NF1: variants seen among roughly 807,000 people sequenced by gnomAD.
NF1 encodes the protein neurofibromin 1.
NF1 carries 122 observed loss-of-function variants against 325.7 expected under a neutral mutation model. The observed-to-expected ratio is 0.37, with a 90% confidence interval of 0.32 to 0.44. The LOEUF (loss-of-function observed/expected upper bound fraction) is 0.44. NF1 is among the 20% of genes least tolerant of loss of function. The probability of loss-of-function intolerance (pLI) is 1.00; values close to 1 mark genes in which losing one functional copy is unlikely to be tolerated. For missense variants in NF1, 2,140 were observed against 3,415.4 expected (o/e 0.63, Z 9.31); for synonymous variants, 1,091 against 1,186.0 (o/e 0.92, Z 1.65).
Position 31,305,592 on chromosome 17 carries a change from G to C in NF1, c.4836-20228G>C, listed in dbSNP as rs1252985370. 1.2e-6 allele frequency: 2 copies of C among 1,612,408 alleles called. No homozygotes were observed. The highest frequency in any genetic ancestry group is 3.3e-5 in the Admixed American group (2 of 59,738). On this transcript the variant is annotated intron_variant, in intron 36 of 57. Coordinates refer to ENST00000358273, the MANE Select transcript of NF1 (RefSeq NM_001042492.3). ...GGTGTCCACAAAACAAAATTAAGATGAAATATTTGGGATCCATTTCAGAAT... is the reference window on the plus strand; with the variant it reads ...GGTGTCCACAAAACAAAATTAAGATCAAATATTTGGGATCCATTTCAGAAT...
At chr17:31,252,573 G>T (rs1197349918) in intron 30 of NF1, 8 of 243,770 alleles carry the variant, frequency 3.3e-5, no homozygotes, top group Non-Finnish European at 3.2e-5. Flanking sequence ...AATGTTTTTA[G>T]TGTGTGATCT....
intron 1 of NF1, among the ~76,000 whole-genome samples, chr17:31,151,730 G>T (rs948953503): frequency 6.6e-6 from 1 of 152,124 alleles, no homozygotes; most frequent in African/African-American, 2.4e-5. Flanking sequence ...AGGGAATAAT[G>T]ACGAAAAGTC....
At chr17:31,195,053 T>G (rs1268317169) in intron 8 of NF1, among the ~76,000 whole-genome samples, 1 of 152,162 alleles carries the variant, frequency 6.6e-6, no homozygotes, top group African/African-American at 2.4e-5. Context: ...ATAGAAATTA[T>G]CTGATTAGAT....
At chr17:31,181,242 AT>A (rs1205519688) in intron 5 of NF1, among the ~76,000 whole-genome samples, 179 bp from the exon 6 acceptor site, 2 of 152,126 alleles carry the variant, frequency 1.3e-5, no homozygotes, top group East Asian at 3.8e-4. Flanking sequence ...TGTTTATGGA[AT>A]TTTTCTTTCC....
chr17:31,153,300 G>A (rs139947344), intron 1 of NF1, among the ~76,000 whole-genome samples: 24 of 152,332 alleles, frequency 1.6e-4, no homozygotes, highest in African/African-American at 5.8e-4. Context: ...GTTACAAGTG[G>A]TTAATAGCTA....
At chr17:31,096,257 G>C (rs1335650182) in intron 1 of NF1, among the ~76,000 whole-genome samples, 1 of 151,598 alleles carries the variant, frequency 6.6e-6, no homozygotes, top group Non-Finnish European at 1.5e-5. Context: ...ACCGACAACA[G>C]AGCAAAGCCA....
chr17:31,124,592 A>ATTTTTTTT (rs35335433), intron 1 of NF1, among the ~76,000 whole-genome samples: 12 of 62,938 alleles, frequency 1.9e-4, no homozygotes, highest in Non-Finnish European at 2.3e-4. Flanking sequence ...GTATTCTTGA[A>ATTTTTTTT]TTTTTTTTTT....
intron 36 of NF1, among the ~76,000 whole-genome samples, chr17:31,290,217 TG>T (rs1359648401): frequency 1.6e-4 from 24 of 152,168 alleles, no homozygotes; most frequent in South Asian, 4.1e-4. Flanking sequence ...TCTTTGTGAT[TG>T]TTTTTTTTTC....
chr17:31,313,047 TAGTA>T (rs1318931856), intron 36 of NF1, among the ~76,000 whole-genome samples: 4 of 152,186 alleles, frequency 2.6e-5, no homozygotes, highest in Admixed American at 6.5e-5. Flanking sequence ...ATTTTTGGCT[TAGTA>T]AGCTTTTAAA....
intron 5 of NF1, among the ~76,000 whole-genome samples, chr17:31,179,807 C>A (rs557282402): frequency 2.0e-5 from 3 of 151,558 alleles, no homozygotes; most frequent in Non-Finnish European, 2.9e-5. Flanking sequence ...TCAATGAATC[C>A]AGGAGCTGGT....
intron 1 of NF1, among the ~76,000 whole-genome samples, chr17:31,122,782 A>G (rs1412942253): frequency 2.0e-5 from 3 of 152,234 alleles, no homozygotes; most frequent in Non-Finnish European, 4.4e-5. Context: ...TCATTTTGGT[A>G]TGGAGAAGAA....
At chr17:31,323,444 A>G (rs1216597350) in intron 36 of NF1, among the ~76,000 whole-genome samples, 2 of 151,974 alleles carry the variant, frequency 1.3e-5, no homozygotes, top group Non-Finnish European at 2.9e-5. Flanking sequence ...ACATAGATCC[A>G]TATTTAGTAG....
intron 8 of NF1, among the ~76,000 whole-genome samples, chr17:31,195,446 G>A (rs2066418334): frequency 6.6e-6 from 1 of 152,092 alleles, no homozygotes; most frequent in Non-Finnish European, 1.5e-5. Flanking sequence ...CAGTTTAGTA[G>A]CACTATCTTT....
At chr17:31,318,062 T>A (rs1222818472) in intron 36 of NF1, 1 of 455,292 alleles carries the variant, frequency 2.2e-6, no homozygotes, top group Admixed American at 4.0e-5. Context: ...ATCCTTAAAA[T>A]TTTCCTCAAA....
chr17:31,219,734 C>T (rs1314845412), intron 14 of NF1, among the ~76,000 whole-genome samples: 1 of 151,150 alleles, frequency 6.6e-6, no homozygotes, highest in East Asian at 1.9e-4. Flanking sequence ...CTCCCCATTC[C>T]CTCATCCCTA....
chr17:31,103,987 C>G (rs1365699883), intron 1 of NF1, among the ~76,000 whole-genome samples: 1 of 152,020 alleles, frequency 6.6e-6, no homozygotes, highest in African/African-American at 2.4e-5. Flanking sequence ...CACCACTGCA[C>G]TCTGGCCTGG....
intron 36 of NF1, among the ~76,000 whole-genome samples, chr17:31,273,335 TAACA>T (rs976993964): frequency 4.0e-5 from 6 of 151,720 alleles, no homozygotes; most frequent in African/African-American, 1.5e-4. Flanking sequence ...ACAACAACAA[TAACA>T]AACTAGAGAA....
At chr17:31,095,391 G>C in intron 1 of NF1, 22 bp downstream of exon 1, 1 of 1,537,546 alleles carries the variant, frequency 6.5e-7, no homozygotes, top group Non-Finnish European at 8.7e-7. Flanking sequence ...GTGGCGGGCG[G>C]GAGGTGGGAG....
intron 36 of NF1, 145 bp downstream of exon 36, chr17:31,265,484 C>T: frequency 3.2e-6 from 2 of 634,552 alleles, no homozygotes; most frequent in Non-Finnish European, 5.7e-6. Flanking sequence ...GGTAAATAGC[C>T]TGCGTTTCCT....
Sources: allele counts gnomAD v4.1 joint callset (sites outside exome capture counted in the v4.1 genomes callset), GRCh38; gene constraint gnomAD v4.1.1; transcripts MANE v1.5; gene names NCBI Gene and HGNC (gene_info 2026-07-23, HGNC 2026-07-21).